PPARGC1A: variants seen among roughly 807,000 people sequenced by gnomAD.
PPARGC1A encodes the protein peroxisome proliferator-activated receptor gamma coactivator 1-alpha.
In PPARGC1A, 25 loss-of-function variants were observed where a neutral mutation model predicts 88.7. The observed-to-expected ratio is 0.28, with a 90% CI of 0.21 to 0.39. The LOEUF (loss-of-function observed/expected upper bound fraction) is 0.39, where lower values mean the gene tolerates loss of function less well. Ranked by LOEUF, PPARGC1A falls within the 10% of genes least tolerant of loss-of-function variation. The probability of loss-of-function intolerance (pLI) is 1.00; values close to 1 mark genes in which losing one functional copy is unlikely to be tolerated. For synonymous variants in PPARGC1A, 363 were observed against 355.6 expected, an observed-to-expected ratio of 1.02 and a Z score of -0.24; for missense variants, 880 against 968.7, an observed-to-expected ratio of 0.91 and a Z score of 1.22.
rs777438526 is a variant in PPARGC1A at position 23,824,433 on chromosome 4, C to T, written c.803+30G>A. The T allele has an allele frequency of 1.2e-5, 19 of 1,606,796 alleles. 1 individual carries two copies. In the South Asian group the frequency reaches 2.1e-4, roughly 18 times the overall value. ...AATGTATTAGAACCCCCTTCCCTTT[C>T]AGAAAATGGTTACATTTCTTAATAC... On this transcript the variant is annotated intron_variant, in intron 6 of 12. Coordinates refer to ENST00000264867, the MANE Select transcript of PPARGC1A (RefSeq NM_013261.5).
At chr4:24,204,208 A>T in the PPARGC1A span, among the ~76,000 whole-genome samples, 2 of 152,204 alleles carry the variant, frequency 1.3e-5, no homozygotes, top group Non-Finnish European at 2.9e-5. Context: ...TAAGGGGCCT[A>T]CAAGGAGCCA....
the PPARGC1A span, among the ~76,000 whole-genome samples, chr4:24,467,421 AT>A: frequency 6.6e-6 from 1 of 152,312 alleles, no homozygotes; most frequent in Non-Finnish European, 1.5e-5. Flanking sequence ...CCCAGTTGAT[AT>A]TTTTTGAACT....
chr4:23,908,358 A>G (rs886551680), upstream of PPARGC1A, among the ~76,000 whole-genome samples: 2 of 152,206 alleles, frequency 1.3e-5, no homozygotes, highest in Non-Finnish European at 2.9e-5. Flanking sequence ...CTTTCTTTGA[A>G]TATCTGTATC....
the PPARGC1A span, among the ~76,000 whole-genome samples, chr4:24,129,692 A>C: frequency 6.6e-6 from 1 of 152,214 alleles, no homozygotes; most frequent in Non-Finnish European, 1.5e-5. Flanking sequence ...AGACACATGC[A>C]CACATAATGT....
chr4:24,258,447 T>A, the PPARGC1A span, among the ~76,000 whole-genome samples: 1 of 152,202 alleles, frequency 6.6e-6, no homozygotes, highest in Non-Finnish European at 1.5e-5. Flanking sequence ...CCAAGGGGAC[T>A]GATATTTCCT....
the PPARGC1A span, among the ~76,000 whole-genome samples, chr4:24,182,095 T>C: frequency 2.6e-5 from 4 of 152,100 alleles, no homozygotes; most frequent in Non-Finnish European, 5.9e-5. Flanking sequence ...TCCCGTCATA[T>C]AGGTTTTAAG....
chr4:23,879,490 A>G (rs758303761), intron 2 of PPARGC1A, among the ~76,000 whole-genome samples: 1 of 152,242 alleles, frequency 6.6e-6, no homozygotes, highest in Non-Finnish European at 1.5e-5. Flanking sequence ...AACGATATCC[A>G]CGAGGTTCTG....
chr4:23,910,439 A>AGGG, the PPARGC1A span, among the ~76,000 whole-genome samples: 8 of 120,630 alleles, frequency 6.6e-5, no homozygotes, highest in Admixed American at 4.8e-4. Flanking sequence ...TAATATATAT[A>AGGG]TTAATATATA....
the PPARGC1A span, among the ~76,000 whole-genome samples, chr4:23,923,523 C>A: frequency 6.6e-6 from 1 of 151,682 alleles, no homozygotes; most frequent in Non-Finnish European, 1.5e-5. Flanking sequence ...AAGGAATTCA[C>A]AAGTCTGTGG....
intron 7 of PPARGC1A, among the ~76,000 whole-genome samples, chr4:23,823,501 A>C (rs2109589487): frequency 6.6e-6 from 1 of 152,210 alleles, no homozygotes; most frequent in East Asian, 1.9e-4. Flanking sequence ...TAAACCCACC[A>C]ATTGCTGGTC....
chr4:23,914,459 A>G, the PPARGC1A span, among the ~76,000 whole-genome samples: 1 of 152,308 alleles, frequency 6.6e-6, no homozygotes, highest in Middle Eastern at 3.4e-3. Flanking sequence ...CACAATCACT[A>G]CAATCTCAGG....
the PPARGC1A span, among the ~76,000 whole-genome samples, chr4:24,344,735 C>T: frequency 6.6e-6 from 1 of 152,016 alleles, no homozygotes; most frequent in Non-Finnish European, 1.5e-5. Context: ...TTCCTTTTGC[C>T]ATGCAAAAGC....
At chr4:23,994,751 G>A in the PPARGC1A span, among the ~76,000 whole-genome samples, 1 of 152,080 alleles carries the variant, frequency 6.6e-6, no homozygotes, top group African/African-American at 2.4e-5. Context: ...GGGCAAGGGA[G>A]GAAATTGGTC....
chr4:24,248,219 G>A, the PPARGC1A span, among the ~76,000 whole-genome samples: 1 of 152,034 alleles, frequency 6.6e-6, no homozygotes, highest in Non-Finnish European at 1.5e-5. Context: ...CCGCCTCCCG[G>A]GTTCACGCCA....
the PPARGC1A span, among the ~76,000 whole-genome samples, chr4:24,085,764 T>C: frequency 6.6e-6 from 1 of 152,326 alleles, no homozygotes; most frequent in South Asian, 2.1e-4. Flanking sequence ...TCAGATGCCA[T>C]CTACTCTGTG....
intron 2 of PPARGC1A, among the ~76,000 whole-genome samples, chr4:23,840,217 T>C (rs532535256): frequency 2.6e-5 from 4 of 152,120 alleles, no homozygotes; most frequent in Admixed American, 2.0e-4. Context: ...AGAACCTTTT[T>C]TGAGAGGGAG....
Position 23,854,530 on chromosome 4 carries a change from G to T in PPARGC1A, c.235-22779C>A, listed in dbSNP as rs1416189675. Among the ~76,000 whole-genome samples, 6 of 152,114 alleles carry T rather than the reference G, an allele frequency of 3.9e-5. No homozygotes were observed. The East Asian group carries it at 1.2e-3, about 29-fold the overall frequency. ...TCTCAGCTGTGTCTGGCTTGACTGAGAGGCCATACAGTCCAACAGTTCCAC... is the reference window on the plus strand; with the variant it reads ...TCTCAGCTGTGTCTGGCTTGACTGATAGGCCATACAGTCCAACAGTTCCAC... On this transcript the variant is annotated intron_variant, in intron 2 of 12. Coordinates refer to ENST00000264867, the MANE Select transcript of PPARGC1A (RefSeq NM_013261.5).
At chr4:24,363,309 C>T in the PPARGC1A span, among the ~76,000 whole-genome samples, 52 of 152,258 alleles carry the variant, frequency 3.4e-4, no homozygotes, top group African/African-American at 1.2e-3. Flanking sequence ...CTCATGTTGG[C>T]TCAATATAAA....
chr4:24,184,769 G>A, the PPARGC1A span, among the ~76,000 whole-genome samples: 1 of 152,082 alleles, frequency 6.6e-6, no homozygotes, highest in African/African-American at 2.4e-5. Context: ...ATCCCAATAT[G>A]GCTCAAAGAC....
Sources: allele counts gnomAD v4.1 joint callset (sites outside exome capture counted in the v4.1 genomes callset), GRCh38; gene constraint gnomAD v4.1.1; transcripts MANE v1.5; gene names NCBI Gene and HGNC (gene_info 2026-07-23, HGNC 2026-07-21).